Variants in DCAF8L2 observed in about 807,000 individuals in gnomAD.
DCAF8L2 encodes DDB1- and CUL4-associated factor 8-like protein 2.
For synonymous variants in DCAF8L2, 200 were observed against 190.9 expected (o/e 1.05, Z -0.39); for missense variants, 430 against 490.7 (o/e 0.88, Z 1.17).
At chrX:27,689,892 A>G (rs1164845302) in intron 3 of DCAF8L2, among the ~76,000 whole-genome samples, 1 of 112,157 alleles carries the variant, frequency 8.9e-6, no homozygotes, top group Non-Finnish European at 1.9e-5. Context: ...AAGTGCCATA[A>G]AGAAAAATAA....
chrX:27,496,232 T>C, the DCAF8L2 span, among the ~76,000 whole-genome samples: 2 of 112,075 alleles, frequency 1.8e-5, no homozygotes, highest in South Asian at 3.7e-4. Context: ...AGAAATGCAA[T>C]TGATGTTTTA....
At chrX:27,668,936 CA>C (rs1188410615) in intron 2 of DCAF8L2, among the ~76,000 whole-genome samples, 2,118 of 79,690 alleles carry the variant, frequency 0.027, 38 homozygotes, top group African/African-American at 0.074. Flanking sequence ...GACTCTGTCT[CA>C]AAAAAAAAAA....
chrX:27,560,569 C>T, the DCAF8L2 span, among the ~76,000 whole-genome samples: 1 of 111,723 alleles, frequency 9.0e-6, no homozygotes, highest in African/African-American at 3.3e-5. Context: ...GGCTACTACT[C>T]CTATTCATGC....
chrX:27,473,158 T>C, the DCAF8L2 span, among the ~76,000 whole-genome samples: 1 of 112,272 alleles, frequency 8.9e-6, no homozygotes. Context: ...TTCTAATGCA[T>C]AGGAAGAACC....
At chrX:27,683,626 C>T (rs148440633) in intron 3 of DCAF8L2, among the ~76,000 whole-genome samples, 1,665 of 112,016 alleles carry the variant, frequency 0.015, 35 homozygotes, top group African/African-American at 0.051. Flanking sequence ...CTCTTTAGTC[C>T]TCAAGCTGCT....
At chrX:27,599,663 G>C (rs1926545725) in intron 1 of DCAF8L2, among the ~76,000 whole-genome samples, 1 of 111,011 alleles carries the variant, frequency 9.0e-6, no homozygotes, top group South Asian at 3.8e-4. Context: ...AAATTTCATA[G>C]AATAGTACAC....
the DCAF8L2 span, among the ~76,000 whole-genome samples, chrX:27,565,526 T>G: frequency 8.9e-6 from 1 of 112,055 alleles, no homozygotes; most frequent in South Asian, 3.7e-4. Flanking sequence ...TTGTAGTGTC[T>G]TTGCCTGATT....
At chrX:27,665,116 G>T (rs1039582166) in intron 2 of DCAF8L2, among the ~76,000 whole-genome samples, 1 of 110,364 alleles carries the variant, frequency 9.1e-6, no homozygotes, top group African/African-American at 3.3e-5. Context: ...TTATTCCTCT[G>T]ATAAATCTGG....
the DCAF8L2 span, among the ~76,000 whole-genome samples, chrX:27,502,335 AATATATATATATATATATATATAT>A: frequency 4.7e-4 from 6 of 12,718 alleles, no homozygotes; most frequent in Non-Finnish European, 7.5e-4. Context: ...AAAAAAAAAA[AATATATATATATATATATATATAT>A]ATATATATAT....
chrX:27,558,618 T>G, the DCAF8L2 span, among the ~76,000 whole-genome samples: 10,939 of 110,367 alleles, frequency 0.099, 418 homozygotes, highest in Non-Finnish European at 0.12. Flanking sequence ...TTTTATTTAT[T>G]ATTATTATAC....
intron 4 of DCAF8L2, among the ~76,000 whole-genome samples, chrX:27,742,444 C>G (rs1921906059): frequency 9.1e-6 from 1 of 109,965 alleles, no homozygotes; most frequent in Non-Finnish European, 1.9e-5. Flanking sequence ...TGGCACACAC[C>G]TCTAATCCCA....
the DCAF8L2 span, among the ~76,000 whole-genome samples, chrX:27,572,512 T>C: frequency 6.2e-5 from 7 of 112,281 alleles, no homozygotes; most frequent in African/African-American, 2.3e-4. Context: ...ATAAGAGTTC[T>C]GCCACAACCT....
chrX:27,738,043 A>G (rs1462057791), intron 4 of DCAF8L2, among the ~76,000 whole-genome samples: 1 of 111,733 alleles, frequency 8.9e-6, no homozygotes, highest in Non-Finnish European at 1.9e-5. Context: ...AGGCAATCAG[A>G]TTAATAACCC....
At chrX:27,711,832 G>A (rs1931543335) in intron 3 of DCAF8L2, among the ~76,000 whole-genome samples, 1 of 110,482 alleles carries the variant, frequency 9.1e-6, no homozygotes, top group South Asian at 3.8e-4. Flanking sequence ...GAAACATGGA[G>A]GGTTTTGGGG....
At chrX:27,476,065 A>T in the DCAF8L2 span, among the ~76,000 whole-genome samples, 1 of 111,447 alleles carries the variant, frequency 9.0e-6, no homozygotes, top group African/African-American at 3.3e-5. Flanking sequence ...GACTTGAAGC[A>T]TAATAATTAG....
At chrX:27,505,789 G>GATA in the DCAF8L2 span, among the ~76,000 whole-genome samples, 21,776 of 110,964 alleles carry the variant, frequency 0.2, 1,862 homozygotes, top group East Asian at 0.36. Flanking sequence ...CCCTTTTGAT[G>GATA]ATAAAGCAAA....
chrX:27,587,985 A>AAAAAAAAAAAAAATATATATATAT, upstream of DCAF8L2, among the ~76,000 whole-genome samples: 1 of 22,369 alleles, frequency 4.5e-5, no homozygotes, highest in African/African-American at 9.8e-5. Context: ...TAAAAAAAAA[A>AAAAAAAAAAAAAATATATATATAT]ATATATATAT....
chrX:27,743,698 A>ATTAT (rs750649421), intron 4 of DCAF8L2, among the ~76,000 whole-genome samples: 2,330 of 86,763 alleles, frequency 0.027, 41 homozygotes, highest in East Asian at 0.049. Context: ...CCTGGCTTTT[A>ATTAT]TTATTTATTT....
Position 27,747,857 on chromosome X carries a change from C to G in DCAF8L2, c.962C>G (p.Ala321Gly). The change falls in exon 5 of 5, where the codon GCC becomes GGC. Residue 321 changes from alanine (A) to glycine (G), a missense_variant. Transcript: ENST00000451261. ...TGTGTGGCCCAGCACAGGGGACCTG[C>G]CCACAAGTTGGCTCTGGAGCCTGAC... is the stretch of plus-strand genomic sequence containing the variant. ...TKCVAQHRGP[A>G]HKLALEPDSP... 1 of 1,210,077 alleles carries G rather than the reference C, an allele frequency of 8.3e-7. No individual in the cohort carries two copies. The highest frequency in any genetic ancestry group is 1.1e-6 in the Non-Finnish European group (1 of 894,308).
Sources: allele counts gnomAD v4.1 joint callset (sites outside exome capture counted in the v4.1 genomes callset), GRCh38; gene constraint gnomAD v4.1.1; transcripts MANE v1.5; gene names NCBI Gene and HGNC (gene_info 2026-07-23, HGNC 2026-07-21).